The following EZH2 variants were observed in gnomAD, a reference collection of about 807,000 sequenced individuals.
The protein encoded by EZH2 is histone-lysine N-methyltransferase EZH2.
Under a neutral mutation model 98.4 loss-of-function variants are expected in EZH2, and 18 were observed. That is an observed-to-expected ratio of 0.18 (90% CI 0.13 to 0.27). The LOEUF (loss-of-function observed/expected upper bound fraction) is 0.27, where lower values mean the gene tolerates loss of function less well. Ranked by LOEUF, EZH2 falls within the 10% of genes least tolerant of loss-of-function variation. The probability of loss-of-function intolerance (pLI) is 1.00; values close to 1 mark genes in which losing one functional copy is unlikely to be tolerated. For synonymous variants in EZH2, 338 were observed against 312.3 expected (o/e 1.08, Z -0.87); for missense variants, 470 against 935.1 (o/e 0.50, Z 6.49).
intron 1 of EZH2, among the ~76,000 whole-genome samples, chr7:148,863,096 A>AAAGAAAGAAAG (rs572993194): frequency 2.6e-4 from 38 of 144,598 alleles, no homozygotes; most frequent in East Asian, 1.0e-3. Context: ...AAAAAAAAAA[A>AAAGAAAGAAAG]AAAGAAAGAA....
chr7:148,878,854 A>G (rs1820534710), intron 1 of EZH2, among the ~76,000 whole-genome samples: 1 of 151,904 alleles, frequency 6.6e-6, no homozygotes, highest in African/African-American at 2.4e-5. Context: ...AACTGAGATC[A>G]CGCATCTGCA....
At chr7:148,817,090 G>GA (rs886122259) in intron 11 of EZH2, 132 bp downstream of exon 11, 499 of 851,658 alleles carry the variant, frequency 5.9e-4, no homozygotes, top group Non-Finnish European at 6.6e-4. Context: ...CTCTTGGGAA[G>GA]AAAAAAAAAT....
intron 3 of EZH2, among the ~76,000 whole-genome samples, chr7:148,842,625 C>T (rs998034717): frequency 1.4e-4 from 22 of 152,034 alleles, no homozygotes; most frequent in Admixed American, 3.3e-4. Context: ...AAGAAATAAA[C>T]GTAAAACAGA....
intron 1 of EZH2, among the ~76,000 whole-genome samples, chr7:148,853,865 T>C (rs888059840): frequency 7.2e-5 from 11 of 152,262 alleles, no homozygotes; most frequent in Middle Eastern, 3.4e-3. Context: ...CATAGCCTAC[T>C]TCATTATCAC....
At chr7:148,879,942 A>C (rs947062867) in intron 1 of EZH2, among the ~76,000 whole-genome samples, 3 of 150,462 alleles carry the variant, frequency 2.0e-5, no homozygotes, top group African/African-American at 5.0e-5. Flanking sequence ...CCATCTCTAC[A>C]AAAAATTAAA....
intron 16 of EZH2, 132 bp from the exon 17 acceptor site, chr7:148,810,546 T>C: frequency 1.8e-6 from 1 of 559,334 alleles, no homozygotes; most frequent in East Asian, 2.8e-5. Flanking sequence ...TACAGCCAAG[T>C]TCTCTTTCCC....
intron 17 of EZH2, among the ~76,000 whole-genome samples, chr7:148,809,738 T>TC (rs1802515169): frequency 6.6e-6 from 1 of 152,234 alleles, no homozygotes; most frequent in Non-Finnish European, 1.5e-5. Flanking sequence ...TTAGTTTTTT[T>TC]CATTATAATG....
At chr7:148,835,675 A>ATT (rs990350243) in intron 3 of EZH2, among the ~76,000 whole-genome samples, 1 of 152,100 alleles carries the variant, frequency 6.6e-6, no homozygotes, top group Non-Finnish European at 1.5e-5. Flanking sequence ...TTTTTTTAAC[A>ATT]TTTGGCAGGA....
rs142835355 is a variant in EZH2 at position 148,813,052 on chromosome 7, TACACACACAC to T, written c.1851+897_1851+906del. 4.3e-3 allele frequency among the ~76,000 whole-genome samples: 570 copies of T among 132,178 alleles called. 5 individuals are homozygous for T. The highest frequency in any genetic ancestry group is 7.4e-3 in the Middle Eastern group (2 of 272). The allele number at this position is 132,178 out of a possible 152,430, so 86.7% of individuals were successfully genotyped here. A position where few individuals can be genotyped will look rare whatever the true frequency, so the allele number is the denominator to read the frequency against. ...AGATATGTCTACTCTACACCCCACA[TACACACACAC>T]ACACACACACACACACACACACAGA... On this transcript the variant is annotated intron_variant, in intron 15 of 19. Transcript: ENST00000320356.
At chr7:148,818,147 C>A in intron 9 of EZH2, 30 bp from the exon 10 acceptor site, 5 of 1,518,702 alleles carry the variant, frequency 3.3e-6, no homozygotes, top group Non-Finnish European at 3.5e-6. Flanking sequence ...AACATCAGGG[C>A]AAAGTTCTAA....
chr7:148,832,185 A>T (rs1332489071), intron 4 of EZH2, among the ~76,000 whole-genome samples: 1 of 152,168 alleles, frequency 6.6e-6, no homozygotes, highest in East Asian at 1.9e-4. Context: ...GCCTCCCTCA[A>T]GCCATCCTTC....
chr7:148,845,518 T>C (rs924025967), intron 3 of EZH2, among the ~76,000 whole-genome samples: 3 of 152,262 alleles, frequency 2.0e-5, no homozygotes, highest in Non-Finnish European at 4.4e-5. Context: ...GCATTAGGAT[T>C]ATGTCTGTTG....
At chr7:148,877,626 T>C (rs1008173897) in intron 1 of EZH2, among the ~76,000 whole-genome samples, 13 of 152,168 alleles carry the variant, frequency 8.5e-5, no homozygotes, top group African/African-American at 3.1e-4. Flanking sequence ...AATTGGTAGC[T>C]CAGGGACTGG....
intron 1 of EZH2, among the ~76,000 whole-genome samples, chr7:148,869,267 C>T (rs899060699): frequency 1.3e-5 from 2 of 151,542 alleles, no homozygotes; most frequent in African/African-American, 2.4e-5. Context: ...ATAGTTTGAC[C>T]TGGGTAACAG....
At chr7:148,848,581 C>G (rs1200956344) in intron 1 of EZH2, among the ~76,000 whole-genome samples, 2 of 152,150 alleles carry the variant, frequency 1.3e-5, no homozygotes, top group African/African-American at 4.8e-5. Context: ...TACTCAACCA[C>G]CAACAGATGA....
At chr7:148,863,168 A>C (rs951750755) in intron 1 of EZH2, among the ~76,000 whole-genome samples, 4 of 152,010 alleles carry the variant, frequency 2.6e-5, no homozygotes, top group Admixed American at 2.0e-4. Flanking sequence ...TGCTCCCCTT[A>C]AATATATCCA....
rs778078368 is a variant in EZH2 at position 148,810,293 on chromosome 7, G to C, written c.2029+40C>G. On this transcript the variant is annotated intron_variant, in intron 17 of 19. Transcript: ENST00000320356. ...CTCGGCCGGCAGAAGGCTGCCACAT[G>C]CAACTCAGGAACTCACTGCCTCCCA... The C allele has an allele frequency of 4.1e-6, 6 of 1,467,500 alleles. No homozygotes were observed. In the East Asian group the frequency reaches 9.1e-5, roughly 22 times the overall value. The allele number at this position is 1,467,500 out of a possible 1,614,324, so 90.9% of individuals were successfully genotyped here.
At chr7:148,868,817 A>G (rs1818914414) in intron 1 of EZH2, among the ~76,000 whole-genome samples, 1 of 152,214 alleles carries the variant, frequency 6.6e-6, no homozygotes, top group African/African-American at 2.4e-5. Context: ...TAATGGGTAA[A>G]AGACTAAGGC....
rs1488824418 is a variant in EZH2 at position 148,816,506 on chromosome 7, T to C, written c.1505+178A>G. ...AAATATACTGAAGGCTGCTGTATTCTTATAGAAAAATACTAGCAATTCCCA... is the reference window on the plus strand; with the variant it reads ...AAATATACTGAAGGCTGCTGTATTCCTATAGAAAAATACTAGCAATTCCCA... On this transcript the variant is annotated intron_variant, in intron 12 of 19. Coordinates refer to ENST00000320356, the MANE Select transcript of EZH2 (RefSeq NM_004456.5). Among the ~76,000 whole-genome samples the C allele has an allele frequency of 2.0e-5, 3 of 152,254 alleles. No homozygotes were observed. The South Asian group carries it at 6.2e-4, about 31-fold the overall frequency.
Sources: gnomAD v4.1 joint callset for allele counts (sites outside exome capture counted in the v4.1 genomes callset) on GRCh38, gnomAD v4.1.1 for gene constraint, MANE v1.5 for transcripts, NCBI Gene and HGNC (gene_info 2026-07-23, HGNC 2026-07-21) for gene names.